AGAP3: variants seen among roughly 807,000 people sequenced by gnomAD.
The protein encoded by AGAP3 is ArfGAP with GTPase domain, ankyrin repeat and PH domain 3.
In AGAP3, 24 loss-of-function variants were observed where a neutral mutation model predicts 96.9. The ratio of observed to expected loss-of-function variants is 0.25; its 90% CI spans 0.18 to 0.35. The LOEUF is 0.35. AGAP3 is among the 10% of genes least tolerant of loss of function. AGAP3 has a pLI of 1.00. For missense variants in AGAP3, 876 were observed against 1,254.2 expected (o/e 0.70, Z 4.55); for synonymous variants, 563 against 536.1 (o/e 1.05, Z -0.69).
rs1236817369 is a variant in AGAP3 at position 151,140,323 on chromosome 7, T to C, written c.1804+207T>C. 2.1e-6 allele frequency: 1 copy of C among 475,332 alleles called. No individual in the cohort carries two copies. The highest frequency in any genetic ancestry group is 2.0e-5 in the African/African-American group (1 of 49,652). The allele number at this position is 475,332 out of a possible 1,614,324, so 29.4% of individuals were successfully genotyped here. On this transcript the variant is annotated intron_variant, in intron 13 of 17. Coordinates refer to ENST00000397238, the MANE Select transcript of AGAP3 (RefSeq NM_031946.7). The surrounding 1 kb of genome is among the most constrained non-coding windows in gnomAD (Gnocchi z 5.4). ...AGTTCTTCTGATAACTGAAACCCTT[T>C]CTGTTGAAATGTGGGCTTACTTCAT... is the stretch of plus-strand genomic sequence containing the variant.
In AGAP3 at chr7:151,118,150, C is replaced by A; in HGVS notation, c.707-60C>A. ...ACCTGCCCTTGGGCCAAATGCCCCC[C>A]ACCACACTACCCCAGCTTCTCCGAA... On this transcript the variant is annotated intron_variant, in intron 5 of 17. Coordinates refer to ENST00000397238, the MANE Select transcript of AGAP3 (RefSeq NM_031946.7). This position sits in a 1 kb window ranked among gnomAD's most constrained non-coding sequence, Gnocchi z 6.1. 1 of 1,554,996 alleles carries A rather than the reference C, an allele frequency of 6.4e-7. No homozygotes were observed. The highest frequency in any genetic ancestry group is 1.4e-5 in the African/African-American group (1 of 73,582).
At chr7:151,100,352 C>A (rs1324072002) in intron 1 of AGAP3, among the ~76,000 whole-genome samples, 1 of 152,200 alleles carries the variant, frequency 6.6e-6, no homozygotes, top group Non-Finnish European at 1.5e-5. Flanking sequence ...GCCACCTGAG[C>A]CTGCTCTGTG....
At position 151,118,745 on chromosome 7, in the gene AGAP3, C is replaced by A; in HGVS notation, c.969+113C>A. 1 of 1,386,484 alleles carries A rather than the reference C, an allele frequency of 7.2e-7. No individual in the cohort carries two copies. The highest frequency in any genetic ancestry group is 9.9e-7 in the Non-Finnish European group (1 of 1,005,902). 85.9% of individuals were successfully genotyped at this position (1,386,484 alleles called of 1,614,324 possible). On this transcript the variant is annotated intron_variant, in intron 7 of 17. Coordinates refer to ENST00000397238, the MANE Select transcript of AGAP3 (RefSeq NM_031946.7). The surrounding 1 kb of genome is among the most constrained non-coding windows in gnomAD (Gnocchi z 6.1). ...TCACACCTGTCCACCTTCCTCTGGCCTCCCAGCCTTGCATGTTGCTTGGAA... is the reference window on the plus strand; with the variant it reads ...TCACACCTGTCCACCTTCCTCTGGCATCCCAGCCTTGCATGTTGCTTGGAA...
At chr7:151,095,813 C>T (rs1158910254) in intron 1 of AGAP3, among the ~76,000 whole-genome samples, 1 of 151,848 alleles carries the variant, frequency 6.6e-6, no homozygotes, top group Non-Finnish European at 1.5e-5. Context: ...GGCAGCACCC[C>T]CTGCCCCCCT....
intron 3 of AGAP3, 71 bp downstream of exon 3, chr7:151,117,253 T>G: frequency 2.5e-6 from 4 of 1,578,742 alleles, no homozygotes; most frequent in Non-Finnish European, 2.6e-6. Flanking sequence ...AGGGTCTGGG[T>G]GGGGGGTCTC....
intron 8 of AGAP3, chr7:151,123,547 T>C: frequency 7.5e-7 from 1 of 1,328,146 alleles, no homozygotes; most frequent in Non-Finnish European, 9.7e-7. Context: ...TCGGCCTCTC[T>C]GTCCTTGCTC....
At chr7:151,123,506 C>T (rs1800017169) in intron 8 of AGAP3, 2 of 1,231,990 alleles carry the variant, frequency 1.6e-6, no homozygotes, top group Non-Finnish European at 1.0e-6. Flanking sequence ...GCTTCTCTTA[C>T]GCCCCCGCCC....
intron 9 of AGAP3, among the ~76,000 whole-genome samples, chr7:151,125,628 C>T (rs1800123411): frequency 6.6e-6 from 1 of 152,134 alleles, no homozygotes; most frequent in Non-Finnish European, 1.5e-5. Context: ...TTCTCTTCTT[C>T]CAGCCTGGTG....
chr7:151,113,286 G>A (rs1161839342), intron 1 of AGAP3, among the ~76,000 whole-genome samples: 2 of 152,216 alleles, frequency 1.3e-5, no homozygotes, highest in African/African-American at 2.4e-5. Flanking sequence ...CATTGTGGGG[G>A]GAACATGCAT....
In AGAP3 at chr7:151,135,410, G is replaced by A. The variant is rs537874131; in HGVS notation, c.1495+842G>A. 3.9e-4 allele frequency among the ~76,000 whole-genome samples: 60 copies of A among 152,376 alleles called. 1 individual carries two copies. Among genetic ancestry groups the A allele is most frequent in the Middle Eastern group, 3.4e-3 (1 of 294 alleles). The stretch of plus-strand genomic sequence containing the variant: ...GCTGGGTGAGTCACCTCCCTAGAGG[G>A]CCTGTGCTTGTCACAGTGAGGGGAG... On this transcript the variant is annotated intron_variant, in intron 11 of 17. Coordinates refer to ENST00000397238, the MANE Select transcript of AGAP3 (RefSeq NM_031946.7).
At chr7:151,106,186 C>A (rs1363594706) in intron 1 of AGAP3, among the ~76,000 whole-genome samples, 1 of 152,036 alleles carries the variant, frequency 6.6e-6, no homozygotes. Context: ...TAGTTGGGGG[C>A]TTTAAATGTA....
chr7:151,123,632 G>A (rs865880424), intron 8 of AGAP3, 162 bp from the exon 9 acceptor site: 1 of 1,467,582 alleles, frequency 6.8e-7, no homozygotes, highest in Admixed American at 2.3e-5. Flanking sequence ...AAACCCGTTG[G>A]AATACTCGTG....
Position 151,143,093 on chromosome 7 carries a change from C to T in AGAP3, c.2274-248C>T, listed in dbSNP as rs577443208. On this transcript the variant is annotated intron_variant, in intron 16 of 17. Transcript: ENST00000397238. The surrounding 1 kb of genome is among the most constrained non-coding windows in gnomAD (Gnocchi z 5.9). The stretch of plus-strand genomic sequence containing the variant: ...TCTCAGCCCCCGCATCCCCACTGTC[C>T]CCAGGGGGCCTCCCTTCAGTGTCCC... Among the ~76,000 whole-genome samples the T allele has an allele frequency of 6.6e-6, 1 of 152,318 alleles. No individual in the cohort carries two copies. Among genetic ancestry groups the T allele is most frequent in the South Asian group, 2.1e-4 (1 of 4,822 alleles).
At chr7:151,122,958 C>T (rs1190381461) in intron 8 of AGAP3, 32 of 1,435,700 alleles carry the variant, frequency 2.2e-5, no homozygotes, top group African/African-American at 7.2e-5. Context: ...CTAGGAGCGC[C>T]GGAGCCCGCG....
At chr7:151,112,463 AC>A (rs1799337462) in intron 1 of AGAP3, among the ~76,000 whole-genome samples, 1 of 148,184 alleles carries the variant, frequency 6.7e-6, no homozygotes, top group South Asian at 2.1e-4. Context: ...TGGGGCCTTA[AC>A]CCCCTTCTTT....
At chr7:151,110,040 AG>A (rs975709167) in intron 1 of AGAP3, among the ~76,000 whole-genome samples, 1 of 152,220 alleles carries the variant, frequency 6.6e-6, no homozygotes, top group Non-Finnish European at 1.5e-5. Context: ...TAGGTGCCAG[AG>A]GCTGAACTTG....
rs1252764050 is a variant in AGAP3 at position 151,117,629 on chromosome 7, A to G, written c.565-7A>G. On this transcript the variant is annotated splice_region_variant and splice_polypyrimidine_tract_variant and intron_variant, in intron 4 of 17. Coordinates refer to ENST00000397238, the MANE Select transcript of AGAP3 (RefSeq NM_031946.7). ...TGCGGGTGCTAATTTTACTTGCTCTACCCTAGTTTGCTGCCTGGGTGGATG... is the reference window on the plus strand; with the variant it reads ...TGCGGGTGCTAATTTTACTTGCTCTGCCCTAGTTTGCTGCCTGGGTGGATG... 3 of 1,613,696 alleles carry G rather than the reference A, an allele frequency of 1.9e-6. No homozygotes were observed. The highest frequency in any genetic ancestry group is 1.3e-5 in the African/African-American group (1 of 74,860).
At chr7:151,086,380 G>C (rs1323480539), upstream of AGAP3, among the ~76,000 whole-genome samples, 18 of 141,056 alleles carry the variant, frequency 1.3e-4, no homozygotes, top group African/African-American at 3.8e-4. Context: ...CGGCGGGGAG[G>C]GGGGCTCGGG....
At chr7:151,122,523 C>CCTCCTCCTCCTGGTCCTCCTCCTT (rs1435259116) in intron 8 of AGAP3, among the ~76,000 whole-genome samples, 3 of 151,586 alleles carry the variant, frequency 2.0e-5, no homozygotes, top group Non-Finnish European at 2.9e-5. Context: ...GCCGCCGCCT[C>CCTCCTCCTCCTGGTCCTCCTCCTT]CTCCTCCTCC....
Sources: gnomAD v4.1 joint callset for allele counts (sites outside exome capture counted in the v4.1 genomes callset) on GRCh38, gnomAD v4.1.1 for gene constraint, Gnocchi (gnomAD v3.1) non-coding constraint, MANE v1.5 for transcripts, NCBI Gene and HGNC (gene_info 2026-07-23, HGNC 2026-07-21) for gene names.